The following NF2 variants were observed in gnomAD, a reference collection of about 807,000 sequenced individuals.
NF2 encodes the protein merlin.
Under a neutral mutation model 83.7 loss-of-function variants are expected in NF2, and 8 were observed. The observed-to-expected ratio is 0.10, with a 90% CI of 0.06 to 0.17. The LOEUF (loss-of-function observed/expected upper bound fraction) is 0.17, where lower values mean the gene tolerates loss of function less well. Ranked by LOEUF, NF2 falls within the 10% of genes least tolerant of loss-of-function variation. NF2 has a pLI of 1.00. For synonymous variants in NF2, 266 were observed against 269.6 expected (o/e 0.99, Z 0.13); for missense variants, 533 against 744.4 (o/e 0.72, Z 3.31).
chr22:29,636,696 G>C lies in NF2; in HGVS notation c.115-55G>C, dbSNP rs2065655937. 1.5e-5 allele frequency: 24 copies of C among 1,613,254 alleles called. No individual in the cohort carries two copies. The highest frequency in any genetic ancestry group is 3.3e-4 in the Middle Eastern group (2 of 6,008). ...TGAGAGTGGAGAGTGCAGAGAAAAGGTTTTATTAATGATTTTTGCTCACAG... is the reference window on the plus strand; with the variant it reads ...TGAGAGTGGAGAGTGCAGAGAAAAGCTTTTATTAATGATTTTTGCTCACAG... On this transcript the variant is annotated intron_variant, in intron 1 of 15. Transcript: ENST00000338641. This position sits in a 1 kb window ranked among gnomAD's most constrained non-coding sequence, Gnocchi z 4.4.
At position 29,672,954 on chromosome 22, in the gene NF2, T is replaced by C. The variant is rs1027039850; in HGVS notation, c.1123-315T>C. Reference sequence around the variant, plus strand: ...TCTCTTGCAGGGGACAAAAAACTCCTCTGGTTCTAACCACTGATTTAAAGG... The same window carrying C: ...TCTCTTGCAGGGGACAAAAAACTCCCCTGGTTCTAACCACTGATTTAAAGG... On this transcript the variant is annotated intron_variant, in intron 11 of 15. Coordinates refer to ENST00000338641, the MANE Select transcript of NF2 (RefSeq NM_000268.4). 6.6e-5 allele frequency among the ~76,000 whole-genome samples: 10 copies of C among 152,372 alleles called. No individual in the cohort carries two copies. In the South Asian group the frequency reaches 2.1e-3, roughly 32 times the overall value.
At chr22:29,641,907 C>T (rs936467962) in intron 3 of NF2, among the ~76,000 whole-genome samples, 2 of 152,178 alleles carry the variant, frequency 1.3e-5, no homozygotes, top group African/African-American at 2.4e-5. Flanking sequence ...GAGTTCATAG[C>T]GCTCTGTCAC....
chr22:29,689,040 G>C (rs576304541), intron 15 of NF2, among the ~76,000 whole-genome samples: 3 of 152,052 alleles, frequency 2.0e-5, no homozygotes, highest in Non-Finnish European at 2.9e-5. Context: ...TTAGCTGGGC[G>C]TGGTGGCATG....
At chr22:29,693,745 C>T (rs1248756913) in intron 15 of NF2, among the ~76,000 whole-genome samples, 1 of 152,080 alleles carries the variant, frequency 6.6e-6, no homozygotes, top group Non-Finnish European at 1.5e-5. Context: ...ACGTCCTGGT[C>T]GCTTAACAAA....
At chr22:29,658,074 T>C (rs554335611) in intron 6 of NF2, 115 bp from the exon 7 acceptor site, 68 of 897,972 alleles carry the variant, frequency 7.6e-5, no homozygotes, top group Non-Finnish European at 1.2e-4. Flanking sequence ...TTTTGTCTTC[T>C]GGCAGCGACG....
intron 1 of NF2, among the ~76,000 whole-genome samples, chr22:29,631,026 T>G (rs981958360): frequency 6.6e-6 from 1 of 152,194 alleles, no homozygotes; most frequent in Non-Finnish European, 1.5e-5. Context: ...CAGGTATTGT[T>G]GCAGGATGCA....
rs1005141904 is a variant in NF2, at chr22:29,683,744, C to A, written c.1737+2143C>A. 4 of 1,066,800 alleles carry A rather than the reference C, an allele frequency of 3.7e-6. No individual in the cohort carries two copies. The Admixed American group carries it at 2.1e-4, about 55-fold the overall frequency. 66.1% of individuals were successfully genotyped at this position (1,066,800 alleles called of 1,614,324 possible). A position where few individuals can be genotyped will look rare whatever the true frequency, so the allele number is the denominator to read the frequency against. On this transcript the variant is annotated intron_variant, in intron 15 of 15. Transcript: ENST00000338641. ...AGCAGAGATGTGGTCAGAGTGAACTCACATTGGAACAGTACACTCACGGCA... is the reference window on the plus strand; with the variant it reads ...AGCAGAGATGTGGTCAGAGTGAACTAACATTGGAACAGTACACTCACGGCA...
intron 1 of NF2, among the ~76,000 whole-genome samples, chr22:29,615,890 T>G (rs908224316): frequency 1.3e-5 from 2 of 152,216 alleles, no homozygotes; most frequent in Non-Finnish European, 2.9e-5. Context: ...TATAGTAGTA[T>G]TATTCATAAT....
intron 5 of NF2, among the ~76,000 whole-genome samples, chr22:29,655,051 C>T (rs956833184): frequency 1.3e-5 from 2 of 152,036 alleles, no homozygotes; most frequent in Admixed American, 6.6e-5. Context: ...GAGCTGTTTG[C>T]AGTGGCGAGG....
rs1382791261 is a variant in NF2 at position 29,694,327 on chromosome 22, G to A, written c.1738-425G>A. Reference sequence around the variant, plus strand: ...TACCCCAGCCATGTTGCCAGGGCATGAGGACTAAGATGCTTGCCCTGCCAA... The same window carrying A: ...TACCCCAGCCATGTTGCCAGGGCATAAGGACTAAGATGCTTGCCCTGCCAA... On this transcript the variant is annotated intron_variant, in intron 15 of 15. Coordinates refer to ENST00000338641, the MANE Select transcript of NF2 (RefSeq NM_000268.4). This position sits in a 1 kb window ranked among gnomAD's most constrained non-coding sequence, Gnocchi z 4.1. Among the ~76,000 whole-genome samples, 3 of 152,248 alleles carry A rather than the reference G, an allele frequency of 2.0e-5. No individual in the cohort carries two copies. Among genetic ancestry groups the A allele is most frequent in the Non-Finnish European group, 4.4e-5 (3 of 68,044 alleles).
At chr22:29,691,773 C>G (rs558563407) in intron 15 of NF2, among the ~76,000 whole-genome samples, 1 of 152,208 alleles carries the variant, frequency 6.6e-6, no homozygotes, top group African/African-American at 2.4e-5. Context: ...GCATGCTCCG[C>G]GGGGTGGCTT....
intron 1 of NF2, among the ~76,000 whole-genome samples, chr22:29,632,233 T>C (rs2065533096): frequency 6.6e-6 from 1 of 152,240 alleles, no homozygotes; most frequent in African/African-American, 2.4e-5. Flanking sequence ...TGAACTATCC[T>C]ACTCCCATTT....
chr22:29,689,040 G>A (rs576304541), intron 15 of NF2, among the ~76,000 whole-genome samples: 10 of 152,170 alleles, frequency 6.6e-5, no homozygotes, highest in South Asian at 2.1e-4. Context: ...TTAGCTGGGC[G>A]TGGTGGCATG....
intron 15 of NF2, among the ~76,000 whole-genome samples, chr22:29,689,981 T>A (rs1348927600): frequency 6.6e-6 from 1 of 152,210 alleles, no homozygotes; most frequent in Non-Finnish European, 1.5e-5. Flanking sequence ...GGAAGGAGAG[T>A]TGGCCGTGCG....
At chr22:29,643,651 T>C (rs536298259) in intron 4 of NF2, among the ~76,000 whole-genome samples, 1 of 152,238 alleles carries the variant, frequency 6.6e-6, no homozygotes, top group Non-Finnish European at 1.5e-5. Flanking sequence ...AGAATTTTTC[T>C]TAGTACAGAA....
chr22:29,616,805 G>A (rs915055965), intron 1 of NF2, among the ~76,000 whole-genome samples: 3 of 152,096 alleles, frequency 2.0e-5, no homozygotes, highest in Admixed American at 2.0e-4. Context: ...AAAATAGGTG[G>A]TGGGTTGGAT....
chr22:29,626,212 G>A (rs1381080711), intron 1 of NF2, among the ~76,000 whole-genome samples: 1 of 145,360 alleles, frequency 6.9e-6, no homozygotes, highest in African/African-American at 2.5e-5. Context: ...GGAGTACAGT[G>A]GCGCCATCTC....
chr22:29,668,568 T>G, intron 10 of NF2, 122 bp downstream of exon 10: 1 of 731,896 alleles, frequency 1.4e-6, no homozygotes, highest in Non-Finnish European at 2.5e-6. Flanking sequence ...TCTTGTTTTA[T>G]ACCTTTTGGA....
intron 1 of NF2, among the ~76,000 whole-genome samples, chr22:29,625,244 A>G (rs781766800): frequency 1.3e-5 from 2 of 152,098 alleles, no homozygotes; most frequent in Non-Finnish European, 2.9e-5. Flanking sequence ...CTTTTTTGTA[A>G]CATGCTAAGT....
Sources: gnomAD v4.1 joint callset for allele counts (sites outside exome capture counted in the v4.1 genomes callset) on GRCh38, gnomAD v4.1.1 for gene constraint, Gnocchi (gnomAD v3.1) non-coding constraint, MANE v1.5 for transcripts, NCBI Gene and HGNC (gene_info 2026-07-23, HGNC 2026-07-21) for gene names.